The following ABCB1 variants were observed in gnomAD, a reference collection of about 807,000 sequenced individuals.
ABCB1 encodes ATP binding cassette subfamily B member 1, also known as ATP-dependent translocase ABCB1.
ABCB1 carries 69 observed loss-of-function variants against 142.0 expected under a neutral mutation model. The observed-to-expected ratio is 0.49, with a 90% CI of 0.40 to 0.59. The LOEUF (loss-of-function observed/expected upper bound fraction) is 0.59, where lower values mean the gene tolerates loss of function less well. Among genes scored for constraint, ABCB1 ranks in the 20% least tolerant of loss-of-function variants. The probability of loss-of-function intolerance (pLI) is 0.00; values close to 1 mark genes in which losing one functional copy is unlikely to be tolerated. For synonymous variants in ABCB1, 532 were observed against 539.2 expected, an observed-to-expected ratio of 0.99 and a Z score of 0.18; for missense variants, 1,326 against 1,554.7, an observed-to-expected ratio of 0.85 and a Z score of 2.47.
intron 1 of ABCB1, among the ~76,000 whole-genome samples, chr7:87,657,297 A>G (rs1824206223): frequency 1.3e-5 from 2 of 152,286 alleles, no homozygotes; most frequent in African/African-American, 2.4e-5. Context: ...AACAACAACA[A>G]TGAAAACCTC....
At chr7:87,586,114 G>A (rs1818740288) in intron 3 of ABCB1, among the ~76,000 whole-genome samples, 1 of 152,090 alleles carries the variant, frequency 6.6e-6, no homozygotes, top group Non-Finnish European at 1.5e-5. Flanking sequence ...AAAGTGGTTT[G>A]GGTTAAAGAC....
At chr7:87,639,153 CAAAA>C (rs71117547) in intron 1 of ABCB1, among the ~76,000 whole-genome samples, 2 of 87,732 alleles carry the variant, frequency 2.3e-5, no homozygotes, top group Non-Finnish European at 2.1e-5. Context: ...GACTCCGTCT[CAAAA>C]AAAAAAAAAA....
chr7:87,635,043 C>T (rs906599201), intron 1 of ABCB1, among the ~76,000 whole-genome samples: 1 of 152,112 alleles, frequency 6.6e-6, no homozygotes, highest in Non-Finnish European at 1.5e-5. Flanking sequence ...CAGTCCTTTA[C>T]TAGGGGGTAT....
chr7:87,668,238 T>C (rs189489528), intron 1 of ABCB1, among the ~76,000 whole-genome samples: 2 of 152,236 alleles, frequency 1.3e-5, no homozygotes, highest in African/African-American at 2.4e-5. Context: ...TCCAGGAATT[T>C]ACTCATCTCT....
At chr7:87,572,984 C>G (rs1416547550) in intron 4 of ABCB1, among the ~76,000 whole-genome samples, 1 of 152,118 alleles carries the variant, frequency 6.6e-6, no homozygotes, top group African/African-American at 2.4e-5. Flanking sequence ...AATCTCTACA[C>G]AAAAACCCCA....
At position 87,515,355 on chromosome 7, in the gene ABCB1, A is replaced by G. The variant is rs1409934524; in HGVS notation, c.3158T>C (p.Leu1053Pro). Residue 1053 changes from leucine to proline, a missense_variant, in exon 25 of 28, where the codon CTT becomes CCT. Physicochemically the swap from Leu to Pro is moderately conservative, Grantham distance 98. Transcript: ENST00000622132. The stretch of plus-strand genomic sequence containing the variant: ...CTTCACCTCCAGGCTCAGTCCCTGA[A>G]GCACTGGGATGTCCGGTCGGGTGGG... The part of the protein sequence containing the change: ...NYPTRPDIPV[L>P]QGLSLEVKKG... The G allele has an allele frequency of 6.2e-7, 1 of 1,614,176 alleles. No individual in the cohort carries two copies. Among genetic ancestry groups the G allele is most frequent in the Non-Finnish European group, 8.5e-7 (1 of 1,180,012 alleles).
intron 1 of ABCB1, among the ~76,000 whole-genome samples, chr7:87,689,342 G>A (rs1004215877): frequency 6.6e-6 from 1 of 152,014 alleles, no homozygotes; most frequent in Non-Finnish European, 1.5e-5. Context: ...AAATTAATGA[G>A]ACATTTCCAG....
Position 87,549,915 on chromosome 7 carries a change from A to G in ABCB1, c.1490T>C (p.Met497Thr). ...CTTGACAGCTTTCTCAATCTCATCC[A>G]TGGTGACATTTTCACGGCCATAGCG... ...NIRYGRENVT[M>T]DEIEKAVKEA... The change falls in exon 13 of 28, where the codon ATG (methionine) becomes ACG (threonine). Residue 497 changes from methionine (M) to threonine (T), a missense_variant. Physicochemically the swap from Met to Thr is moderately conservative, Grantham distance 81 (BLOSUM62 -1). Coordinates refer to ENST00000622132, the MANE Select transcript of ABCB1 (RefSeq NM_001348946.2). 1.9e-6 allele frequency: 3 copies of G among 1,614,176 alleles called. No individual in the cohort carries two copies. Among genetic ancestry groups the G allele is most frequent in the Non-Finnish European group, 2.5e-6 (3 of 1,180,042 alleles).
chr7:87,657,787 A>G (rs562523007), intron 1 of ABCB1, among the ~76,000 whole-genome samples: 1 of 152,128 alleles, frequency 6.6e-6, no homozygotes, highest in South Asian at 2.1e-4. Flanking sequence ...GGAAGCCTGG[A>G]CTCCAAGTCC....
chr7:87,626,535 C>CAT lies in ABCB1; in HGVS notation c.-330-25459_-330-25458dup, dbSNP rs1490112731. ...ATATATATGTGTCATATATATGTGT[C>CAT]ATATATGTGTCATATATATGTGTCA... On this transcript the variant is annotated intron_variant, in intron 1 of 28. Transcript: ENST00000265724. Among the ~76,000 whole-genome samples, 5 of 17,284 alleles carry CAT rather than the reference C, an allele frequency of 2.9e-4. 1 individual carries two copies. Among genetic ancestry groups the CAT allele is most frequent in the Non-Finnish European group, 2.5e-4 (3 of 11,856 alleles). 11.3% of individuals were successfully genotyped at this position (17,284 alleles called of 152,430 possible). A position where few individuals can be genotyped will look rare whatever the true frequency, so the allele number is the denominator to read the frequency against.
chr7:87,524,681 C>T (rs1815706976), intron 21 of ABCB1, among the ~76,000 whole-genome samples: 1 of 151,606 alleles, frequency 6.6e-6, no homozygotes, highest in Non-Finnish European at 1.5e-5. Context: ...CACATGTATA[C>T]ATATGTAACT....
At chr7:87,679,502 A>T (rs1826714419) in intron 1 of ABCB1, among the ~76,000 whole-genome samples, 1 of 149,482 alleles carries the variant, frequency 6.7e-6, no homozygotes, top group Non-Finnish European at 1.5e-5. Flanking sequence ...TGATTCTCCC[A>T]CCTCAGGTTC....
chr7:87,632,120 A>G (rs1398286370), intron 1 of ABCB1, among the ~76,000 whole-genome samples: 1 of 152,136 alleles, frequency 6.6e-6, no homozygotes, highest in Non-Finnish European at 1.5e-5. Context: ...ACCAAAAAAA[A>G]AAAAAGTCAC....
chr7:87,606,472 T>C (rs984580747), intron 1 of ABCB1, among the ~76,000 whole-genome samples: 1 of 152,150 alleles, frequency 6.6e-6, no homozygotes, highest in Non-Finnish European at 1.5e-5. Context: ...TATTCATTGC[T>C]GCTTTATTTT....
chr7:87,652,133 C>T (rs1354062762), intron 1 of ABCB1, among the ~76,000 whole-genome samples: 1 of 151,996 alleles, frequency 6.6e-6, no homozygotes, highest in South Asian at 2.1e-4. Context: ...CAATGCCTAA[C>T]TAAAAAGCAT....
intron 1 of ABCB1, among the ~76,000 whole-genome samples, chr7:87,705,524 A>G (rs1474378630): frequency 2.6e-5 from 4 of 152,236 alleles, no homozygotes; most frequent in Non-Finnish European, 5.9e-5. Flanking sequence ...AGACTTAAAC[A>G]TAGCCTAACA....
At chr7:87,559,935 C>A (rs1817485580) in intron 8 of ABCB1, among the ~76,000 whole-genome samples, 1 of 152,102 alleles carries the variant, frequency 6.6e-6, no homozygotes, top group South Asian at 2.1e-4. Flanking sequence ...GAAAAGAATT[C>A]CAAACTCAAA....
At chr7:87,610,856 T>G (rs894465525) in intron 1 of ABCB1, among the ~76,000 whole-genome samples, 8 of 152,166 alleles carry the variant, frequency 5.3e-5, no homozygotes, top group Admixed American at 6.5e-5. Context: ...ATAACACCAC[T>G]ATTTACTTTG....
At chr7:87,533,338 A>G (rs1273374019) in intron 20 of ABCB1, among the ~76,000 whole-genome samples, 4 of 152,056 alleles carry the variant, frequency 2.6e-5, no homozygotes, top group Non-Finnish European at 4.4e-5. Context: ...ACCTAGAATC[A>G]CTTCTAGGTG....
Sources: gnomAD v4.1 joint callset for allele counts (sites outside exome capture counted in the v4.1 genomes callset) on GRCh38, gnomAD v4.1.1 for gene constraint, MANE v1.5 for transcripts, NCBI Gene and HGNC (gene_info 2026-07-23, HGNC 2026-07-21) for gene names.